Variants in NDUFAF6 observed in about 807,000 individuals in gnomAD.
NDUFAF6 encodes NADH:ubiquinone oxidoreductase complex assembly factor 6.
In NDUFAF6, 45 loss-of-function variants were observed where a neutral mutation model predicts 40.8. The ratio of observed to expected loss-of-function variants is 1.10; its 90% CI spans 0.87 to 1.42. The LOEUF (loss-of-function observed/expected upper bound fraction) is 1.42. Among genes scored for constraint, NDUFAF6 ranks in the 40% most tolerant of loss-of-function variants. NDUFAF6 has a pLI of 0.00. For missense variants in NDUFAF6, 435 were observed against 418.5 expected (o/e 1.04, Z -0.34); for synonymous variants, 185 against 155.9 (o/e 1.19, Z -1.39).
chr8:95,030,499 T>G (rs1398946308), intron 1 of NDUFAF6, among the ~76,000 whole-genome samples: 1 of 152,164 alleles, frequency 6.6e-6, no homozygotes, highest in Admixed American at 6.5e-5. Flanking sequence ...CCTCCCACAG[T>G]GCTAGATTAT....
intron 1 of NDUFAF6, among the ~76,000 whole-genome samples, chr8:94,942,182 G>A (rs1821603616): frequency 6.6e-6 from 1 of 151,652 alleles, no homozygotes; most frequent in African/African-American, 2.4e-5. Context: ...GACTACAGGC[G>A]CCCACCACCA....
chr8:94,990,743 G>T lies in NDUFAF6; in HGVS notation c.-84+9770G>T, dbSNP rs16917192. 1.8e-4 allele frequency among the ~76,000 whole-genome samples: 27 copies of T among 152,318 alleles called. No individual in the cohort carries two copies. In the South Asian group the frequency reaches 5.2e-3, roughly 29 times the overall value. ...ATTTCCTCATGACAGGGAAAAAATG[G>T]ACAATTGGTCAACTTGACAAATGAG... On this transcript the variant is annotated intron_variant, in intron 2 of 9. Coordinates refer to the NDUFAF6 transcript ENST00000396111.
chr8:95,048,218 G>C (rs576282801), intron 6 of NDUFAF6, among the ~76,000 whole-genome samples: 1 of 152,104 alleles, frequency 6.6e-6, no homozygotes, highest in African/African-American at 2.4e-5. Context: ...CTTGTTGCAT[G>C]TTCCAGGTGT....
downstream of NDUFAF6, among the ~76,000 whole-genome samples, chr8:95,062,156 CAAAAA>C (rs772221046): frequency 9.0e-6 from 1 of 110,670 alleles, no homozygotes; most frequent in African/African-American, 3.2e-5. Flanking sequence ...GACCGTGGCT[CAAAAA>C]AAAAAAAAAA....
intron 5 of NDUFAF6, 116 bp downstream of exon 5, chr8:95,045,763 C>A: frequency 1.4e-6 from 1 of 740,150 alleles, no homozygotes; most frequent in Non-Finnish European, 2.3e-6. Flanking sequence ...TTTATACTAT[C>A]TGTAAAGGAA....
chr8:95,058,989 G>A (rs1230208670), downstream of NDUFAF6, among the ~76,000 whole-genome samples: 2 of 152,104 alleles, frequency 1.3e-5, no homozygotes, highest in African/African-American at 4.8e-5. Context: ...GCTGCAGTGA[G>A]GCATGAGTGT....
intron 3 of NDUFAF6, among the ~76,000 whole-genome samples, chr8:95,038,377 G>GTT (rs201918190): frequency 6.9e-6 from 1 of 144,742 alleles, no homozygotes. Context: ...TTTTCTTTTT[G>GTT]TTTTTTTTTT....
At chr8:95,013,981 G>C (rs1427318157) in intron 2 of NDUFAF6, among the ~76,000 whole-genome samples, 1 of 152,198 alleles carries the variant, frequency 6.6e-6, no homozygotes, top group African/African-American at 2.4e-5. Flanking sequence ...GAAAAAGGCA[G>C]AGATCAGGGC....
At chr8:95,028,986 AG>A (rs1828506384) in intron 1 of NDUFAF6, among the ~76,000 whole-genome samples, 4 of 152,116 alleles carry the variant, frequency 2.6e-5, no homozygotes, top group Non-Finnish European at 5.9e-5. Flanking sequence ...AGTACTCTTG[AG>A]ATAGCAAGGT....
At chr8:95,013,361 C>T (rs2131677591) in intron 2 of NDUFAF6, among the ~76,000 whole-genome samples, 1 of 152,322 alleles carries the variant, frequency 6.6e-6, no homozygotes, top group African/African-American at 2.4e-5. Context: ...CCACCATGGC[C>T]TCCCAAAGTT....
chr8:95,113,042 T>C (rs897066921), intron 4 of NDUFAF6, among the ~76,000 whole-genome samples: 1 of 152,104 alleles, frequency 6.6e-6, no homozygotes, highest in Non-Finnish European at 1.5e-5. Context: ...CTGTGCTGAG[T>C]AGACGATCTC....
intron 2 of NDUFAF6, chr8:94,949,963 C>G (rs1822433133): frequency 6.6e-6 from 1 of 152,626 alleles, no homozygotes; most frequent in African/African-American, 2.4e-5. Context: ...ATCACGGAGC[C>G]AGGCCCCACC....
At chr8:94,974,219 T>G (rs1232116166) in intron 1 of NDUFAF6, among the ~76,000 whole-genome samples, 14 of 143,924 alleles carry the variant, frequency 9.7e-5, no homozygotes, top group Non-Finnish European at 1.6e-4. Flanking sequence ...GAGCCAAATC[T>G]GTTTTTTTTT....
chr8:94,936,987 G>A (rs1485771627), intron 1 of NDUFAF6, among the ~76,000 whole-genome samples: 1 of 152,222 alleles, frequency 6.6e-6, no homozygotes, highest in Non-Finnish European at 1.5e-5. Context: ...CTGCAAGTGA[G>A]ACTAGTGCTG....
intron 4 of NDUFAF6, among the ~76,000 whole-genome samples, chr8:95,043,158 C>T (rs1164849262): frequency 6.7e-6 from 1 of 149,822 alleles, no homozygotes; most frequent in Admixed American, 6.7e-5. Context: ...GATCTCGGCT[C>T]ACTGCAATCT....
intron 1 of NDUFAF6, among the ~76,000 whole-genome samples, chr8:94,980,452 T>G (rs1442439271): frequency 2.7e-4 from 39 of 145,770 alleles, no homozygotes; most frequent in Middle Eastern, 3.5e-3. Context: ...GTTTTTTTTT[T>G]TTTTTTTTTT....
At chr8:95,056,075 A>G (rs979368231) in intron 8 of NDUFAF6, among the ~76,000 whole-genome samples, 1 of 152,138 alleles carries the variant, frequency 6.6e-6, no homozygotes, top group African/African-American at 2.4e-5. Flanking sequence ...ATCATTTTCT[A>G]TTGATGTCTT....
intron 2 of NDUFAF6, among the ~76,000 whole-genome samples, chr8:95,032,691 A>G (rs1218504727): frequency 6.6e-6 from 1 of 152,214 alleles, no homozygotes; most frequent in Non-Finnish European, 1.5e-5. Context: ...TCTCAGTAAT[A>G]AATTGAGAGG....
chr8:95,008,105 C>T (rs1228460645), intron 2 of NDUFAF6, among the ~76,000 whole-genome samples: 1 of 152,190 alleles, frequency 6.6e-6, no homozygotes, highest in East Asian at 1.9e-4. Flanking sequence ...CCTCTGGAGG[C>T]AGTGTTAAAA....
Sources: allele counts gnomAD v4.1 joint callset (sites outside exome capture counted in the v4.1 genomes callset), GRCh38; gene constraint gnomAD v4.1.1; transcripts MANE v1.5; gene names NCBI Gene and HGNC (gene_info 2026-07-23, HGNC 2026-07-21).